USP15: variants seen among roughly 807,000 people sequenced by gnomAD.
USP15 encodes the protein ubiquitin specific peptidase 15, also known as ubiquitin carboxyl-terminal hydrolase 15.
A neutral mutation model predicts 127.1 loss-of-function variants in USP15; 18 were observed. The observed-to-expected ratio is 0.14, with a 90% CI of 0.10 to 0.21. The LOEUF (loss-of-function observed/expected upper bound fraction) is 0.21. Among genes scored for constraint, USP15 ranks in the 10% least tolerant of loss-of-function variants. USP15 has a pLI of 1.00. For missense variants in USP15, 805 were observed against 1,159.9 expected, an observed-to-expected ratio of 0.69 and a Z score of 4.44; for synonymous variants, 364 against 393.7, an observed-to-expected ratio of 0.92 and a Z score of 0.89.
intron 14 of USP15, 76 bp downstream of exon 14, chr12:62,390,064 A>G: frequency 7.6e-7 from 1 of 1,307,306 alleles, no homozygotes; most frequent in Non-Finnish European, 1.0e-6. Context: ...AAATAAACAC[A>G]TAAGGTACTA....
chr12:62,313,313 C>T (rs1184272045), intron 3 of USP15, among the ~76,000 whole-genome samples: 2 of 151,438 alleles, frequency 1.3e-5, no homozygotes, highest in African/African-American at 4.8e-5. Flanking sequence ...GAAAACTATG[C>T]CTATTTAGAA....
At position 62,260,609 on chromosome 12, in the gene USP15, G is replaced by T. The variant is rs535956081; in HGVS notation, c.89+106G>T. On this transcript the variant is annotated intron_variant, in intron 1 of 21. Coordinates refer to ENST00000280377, the MANE Select transcript of USP15 (RefSeq NM_001252078.2). ...CTAGTGACAGGTGCGGGCAGGTCCG[G>T]CGGCGGCCGCCGGGGCAGCGGGATT... The T allele has an allele frequency of 2.0e-4, 224 of 1,121,146 alleles. No individual in the cohort carries two copies. The African/African-American group carries it at 3.2e-3, about 16-fold the overall frequency. The allele number at this position is 1,121,146 out of a possible 1,614,324, so 69.4% of individuals were successfully genotyped here. A position where few individuals can be genotyped will look rare whatever the true frequency, so the allele number is the denominator to read the frequency against.
At chr12:62,365,138 C>T (rs2066436426) in intron 8 of USP15, among the ~76,000 whole-genome samples, 1 of 152,174 alleles carries the variant, frequency 6.6e-6, no homozygotes, top group Admixed American at 6.5e-5. Context: ...GCCACACTGT[C>T]TTCCACAGTG....
At chr12:62,270,970 A>G (rs1334578809) in intron 1 of USP15, among the ~76,000 whole-genome samples, 1 of 152,046 alleles carries the variant, frequency 6.6e-6, no homozygotes, top group Non-Finnish European at 1.5e-5. Context: ...GGTATGTGGT[A>G]TAGTAGTATT....
chr12:62,296,017 G>A (rs566504643), intron 2 of USP15, among the ~76,000 whole-genome samples: 2 of 152,316 alleles, frequency 1.3e-5, no homozygotes, highest in Admixed American at 6.5e-5. Flanking sequence ...GGTGGCAAAA[G>A]AATTCAGAGA....
At chr12:62,389,194 GT>G (rs1346704805) in intron 11 of USP15, among the ~76,000 whole-genome samples, 1 of 152,118 alleles carries the variant, frequency 6.6e-6, no homozygotes, top group African/African-American at 2.4e-5. Context: ...GATCTAATAA[GT>G]TGACTGAGGT....
At chr12:62,285,128 A>G (rs545121601) in intron 1 of USP15, among the ~76,000 whole-genome samples, 1 of 152,302 alleles carries the variant, frequency 6.6e-6, no homozygotes, top group African/African-American at 2.4e-5. Context: ...TTATAGATTT[A>G]GGGACTACAA....
intron 8 of USP15, among the ~76,000 whole-genome samples, chr12:62,357,868 T>C (rs962974743): frequency 1.3e-5 from 2 of 152,176 alleles, no homozygotes; most frequent in East Asian, 3.9e-4. Flanking sequence ...CCTTTACTCC[T>C]CTATTTCACA....
intron 1 of USP15, among the ~76,000 whole-genome samples, chr12:62,291,141 T>C (rs2137139376): frequency 6.6e-6 from 1 of 152,208 alleles, no homozygotes; most frequent in East Asian, 1.9e-4. Context: ...GATCACTTGC[T>C]GGACAAGAGA....
At chr12:62,392,017 C>A in intron 17 of USP15, 131 bp downstream of exon 17, 1 of 967,636 alleles carries the variant, frequency 1.0e-6, no homozygotes, top group Non-Finnish European at 1.5e-6. Context: ...AAAAATTGGT[C>A]ATGAACTAGA....
chr12:62,302,752 T>G, intron 2 of USP15, 38 bp from the exon 3 acceptor site: 1 of 1,574,468 alleles, frequency 6.4e-7, no homozygotes, highest in Non-Finnish European at 8.6e-7. Context: ...AAACAAAGTA[T>G]TTAGAGTTAG....
intron 7 of USP15, among the ~76,000 whole-genome samples, chr12:62,351,285 A>C (rs1031504361): frequency 1.3e-5 from 2 of 151,494 alleles, no homozygotes; most frequent in Non-Finnish European, 2.9e-5. Flanking sequence ...ATGTATGTGC[A>C]CAGGCCAAAA....
chr12:62,321,160 G>A (rs1056581897), intron 4 of USP15, among the ~76,000 whole-genome samples: 3 of 151,962 alleles, frequency 2.0e-5, no homozygotes, highest in African/African-American at 7.3e-5. Flanking sequence ...TTGAATTATA[G>A]TATGTTAAAA....
chr12:62,351,258 T>G (rs531482498), intron 7 of USP15, among the ~76,000 whole-genome samples: 2 of 151,900 alleles, frequency 1.3e-5, no homozygotes, highest in East Asian at 3.9e-4. Flanking sequence ...CTGCAGTATC[T>G]TCTCTTCTAT....
At chr12:62,375,948 T>C (rs949127978) in intron 8 of USP15, among the ~76,000 whole-genome samples, 2 of 152,162 alleles carry the variant, frequency 1.3e-5, no homozygotes, top group African/African-American at 4.8e-5. Flanking sequence ...TCCTAAACTT[T>C]CCAACAGTCA....
At chr12:62,332,432 A>G (rs1029437027) in intron 6 of USP15, among the ~76,000 whole-genome samples, 2 of 151,962 alleles carry the variant, frequency 1.3e-5, no homozygotes, top group South Asian at 2.1e-4. Flanking sequence ...GGATGTTAGC[A>G]TTGGGTGGAT....
intron 3 of USP15, among the ~76,000 whole-genome samples, chr12:62,310,436 T>C (rs1033646812): frequency 6.6e-6 from 1 of 151,858 alleles, no homozygotes; most frequent in Non-Finnish European, 1.5e-5. Flanking sequence ...CTTTACTTCA[T>C]GTGATCAAAT....
intron 1 of USP15, among the ~76,000 whole-genome samples, 167 bp from the exon 2 acceptor site, chr12:62,294,012 A>T (rs138581139): frequency 6.6e-6 from 1 of 152,234 alleles, no homozygotes; most frequent in Non-Finnish European, 1.5e-5. Context: ...AATACTTTAT[A>T]CAAATGAAGT....
At chr12:62,277,069 T>A (rs993707020) in intron 1 of USP15, among the ~76,000 whole-genome samples, 3 of 152,158 alleles carry the variant, frequency 2.0e-5, no homozygotes, top group African/African-American at 7.2e-5. Flanking sequence ...TATGTGAAGA[T>A]GTATCTATAC....
Sources: gnomAD v4.1 joint callset for allele counts (sites outside exome capture counted in the v4.1 genomes callset) on GRCh38, gnomAD v4.1.1 for gene constraint, MANE v1.5 for transcripts, NCBI Gene and HGNC (gene_info 2026-07-23, HGNC 2026-07-21) for gene names.